GLP2R: variants seen among roughly 807,000 people sequenced by gnomAD.
The protein encoded by GLP2R is glucagon like peptide 2 receptor.
In GLP2R, 59 loss-of-function variants were observed where a neutral mutation model predicts 68.2. That is an observed-to-expected ratio of 0.87 (90% CI 0.70 to 1.07). GLP2R has a LOEUF of 1.07. Among genes scored for constraint, GLP2R ranks in the 50% least tolerant of loss-of-function variants. The probability of loss-of-function intolerance (pLI) is 0.00; values close to 1 mark genes in which losing one functional copy is unlikely to be tolerated. For missense variants in GLP2R, 548 were observed against 677.4 expected (o/e 0.81, Z 2.12); for synonymous variants, 270 against 265.4 (o/e 1.02, Z -0.17).
rs1376559280 is a variant in GLP2R, at chr17:9,889,669, C to T, written c.1626C>T (p.Asn542=). 5 of 1,599,474 alleles carry T rather than the reference C, an allele frequency of 3.1e-6. No individual in the cohort carries two copies. Among genetic ancestry groups the T allele is most frequent in the Non-Finnish European group, 4.3e-6 (5 of 1,170,996 alleles). The change falls in exon 13 of 13, where the codon AAC becomes AAT. Residue 542 remains asparagine (N), a synonymous_variant. Coordinates refer to ENST00000262441, the MANE Select transcript of GLP2R (RefSeq NM_004246.3). ...GTGAGGGGGATGTCACCATGGCCAA[C>T]ACCATGGAGGAGATTCTGGAAGAGA... ...ECSEGDVTMA[N]TMEEILEESE...
At chr17:9,844,323 A>C (rs1385907860) in intron 4 of GLP2R, among the ~76,000 whole-genome samples, 1 of 152,172 alleles carries the variant, frequency 6.6e-6, no homozygotes, top group Non-Finnish European at 1.5e-5. Flanking sequence ...CAGATTGGAG[A>C]GGAGTGAACT....
At chr17:9,857,171 C>T (rs1294672702) in intron 5 of GLP2R, among the ~76,000 whole-genome samples, 8 of 152,186 alleles carry the variant, frequency 5.3e-5, no homozygotes, top group South Asian at 2.1e-4. Context: ...CCGCCTGTCT[C>T]GGCCTCCAAA....
chr17:9,854,631 G>C (rs747748953), intron 5 of GLP2R, 30 bp downstream of exon 5: 9 of 1,294,616 alleles, frequency 7.0e-6, no homozygotes, highest in Non-Finnish European at 7.9e-6. Context: ...GCATGTGTTC[G>C]GGCAGGTATA....
chr17:9,826,718 A>T (rs143783132), intron 1 of GLP2R, among the ~76,000 whole-genome samples: 1 of 152,198 alleles, frequency 6.6e-6, no homozygotes, highest in Non-Finnish European at 1.5e-5. Flanking sequence ...AAAATGTTGA[A>T]CGCTAATTGT....
rs3073988 is a variant in GLP2R, at chr17:9,873,556, C to CTTTTTTTTTTTTTTTTTTTTTT, written c.1145+2723_1145+2744dup. On this transcript the variant is annotated intron_variant, in intron 10 of 12. Transcript: ENST00000262441. Reference sequence around the variant, plus strand: ...GGATATCACAAAAACTATGCATGGACTTTTTTTTTTTTTTTTTTTTTTTAG... The same window carrying CTTTTTTTTTTTTTTTTTTTTTT: ...GGATATCACAAAAACTATGCATGGACTTTTTTTTTTTTTTTTTTTTTTTTTTTTTTTTTTTTTTTTTTTTTAG... Among the ~76,000 whole-genome samples the CTTTTTTTTTTTTTTTTTTTTTT allele has an allele frequency of 1.0e-3, 52 of 52,058 alleles. 10 individuals carry two copies. Among genetic ancestry groups the CTTTTTTTTTTTTTTTTTTTTTT allele is most frequent in the Non-Finnish European group, 1.4e-3 (42 of 29,446 alleles). The allele number at this position is 52,058 out of a possible 152,430, so 34.2% of individuals were successfully genotyped here.
intron 5 of GLP2R, among the ~76,000 whole-genome samples, chr17:9,856,285 A>T (rs1311542937): frequency 6.6e-6 from 1 of 152,240 alleles, no homozygotes; most frequent in Non-Finnish European, 1.5e-5. Context: ...CAAGCCTGGG[A>T]CAACCAAGTG....
At chr17:9,862,659 T>C (rs1294836036) in intron 9 of GLP2R, among the ~76,000 whole-genome samples, 1 of 152,018 alleles carries the variant, frequency 6.6e-6, no homozygotes, top group Non-Finnish European at 1.5e-5. Context: ...CTTTAGATAA[T>C]AGGGTGTGAG....
chr17:9,843,305 G>A (rs968327484), intron 4 of GLP2R, among the ~76,000 whole-genome samples: 1 of 152,232 alleles, frequency 6.6e-6, no homozygotes, highest in African/African-American at 2.4e-5. Flanking sequence ...GGAACAGTCT[G>A]TGTATTCATA....
chr17:9,857,070 C>T (rs566272018), intron 5 of GLP2R, among the ~76,000 whole-genome samples: 21 of 152,106 alleles, frequency 1.4e-4, no homozygotes, highest in Non-Finnish European at 2.5e-4. Context: ...TACAGGCACG[C>T]GCCACCACAC....
intron 3 of GLP2R, 145 bp from the exon 4 acceptor site, chr17:9,842,350 C>G: frequency 1.1e-6 from 1 of 927,896 alleles, no homozygotes; most frequent in Non-Finnish European, 1.6e-6. Flanking sequence ...CCTTTCCATC[C>G]CAAATAAACA....
At chr17:9,831,439 A>T (rs777560953) in intron 1 of GLP2R, among the ~76,000 whole-genome samples, 3 of 152,206 alleles carry the variant, frequency 2.0e-5, no homozygotes, top group Middle Eastern at 3.4e-3. Context: ...CCCACCAATG[A>T]CATTGCAGTG....
At chr17:9,882,748 A>T (rs1294587156) in intron 11 of GLP2R, among the ~76,000 whole-genome samples, 1 of 152,206 alleles carries the variant, frequency 6.6e-6, no homozygotes, top group Non-Finnish European at 1.5e-5. Context: ...GACCAGATTT[A>T]AAAATAAAAA....
intron 2 of GLP2R, 83 bp from the exon 3 acceptor site, chr17:9,836,288 G>A: frequency 1.1e-6 from 1 of 888,050 alleles, no homozygotes. Flanking sequence ...CAGGAAGGTG[G>A]GCTCCCACGG....
chr17:9,853,122 T>G (rs1397759688), intron 4 of GLP2R: 1 of 527,492 alleles, frequency 1.9e-6, no homozygotes, highest in Non-Finnish European at 3.6e-6. Flanking sequence ...ATTCATTGTC[T>G]CTGCGTCAAC....
chr17:9,865,129 T>G (rs1051363993), intron 9 of GLP2R, among the ~76,000 whole-genome samples: 6 of 152,062 alleles, frequency 3.9e-5, no homozygotes, highest in African/African-American at 1.4e-4. Flanking sequence ...AGAAAATGGC[T>G]CCACCACCCA....
chr17:9,848,795 A>G (rs2066864248), intron 4 of GLP2R, among the ~76,000 whole-genome samples: 1 of 151,902 alleles, frequency 6.6e-6, no homozygotes, highest in Non-Finnish European at 1.5e-5. Flanking sequence ...GGCAAACAAA[A>G]TATGTTATGT....
At chr17:9,880,827 G>T (rs2067188525) in intron 11 of GLP2R, among the ~76,000 whole-genome samples, 1 of 152,136 alleles carries the variant, frequency 6.6e-6, no homozygotes, top group African/African-American at 2.4e-5. Flanking sequence ...TATTTTTGCT[G>T]GGTTCTCTGC....
At position 9,868,780 on chromosome 17, in the gene GLP2R, TC is replaced by T. The variant is rs369452885; in HGVS notation, c.1057-1964del. Among the ~76,000 whole-genome samples, 33 of 152,284 alleles carry T rather than the reference TC, an allele frequency of 2.2e-4. 1 individual carries two copies. The South Asian group carries it at 6.8e-3, about 32-fold the overall frequency. ...ACAGAGAACAGTGAATCAACATGCT[TC>T]CCATTATAACCTTTCATTGCCTAGG... On this transcript the variant is annotated intron_variant, in intron 9 of 12. Coordinates refer to ENST00000262441, the MANE Select transcript of GLP2R (RefSeq NM_004246.3).
intron 4 of GLP2R, among the ~76,000 whole-genome samples, chr17:9,846,149 G>A (rs374513747): frequency 3.3e-5 from 5 of 152,100 alleles, no homozygotes; most frequent in East Asian, 3.8e-4. Context: ...TGAAAATCAA[G>A]TACGCTTTGA....
Sources: allele counts gnomAD v4.1 joint callset (sites outside exome capture counted in the v4.1 genomes callset), GRCh38; gene constraint gnomAD v4.1.1; transcripts MANE v1.5; gene names NCBI Gene and HGNC (gene_info 2026-07-23, HGNC 2026-07-21).